NKAIN3: variants seen among roughly 807,000 people sequenced by gnomAD.
NKAIN3 encodes sodium/potassium-transporting ATPase subunit beta-1-interacting protein 3.
A neutral mutation model predicts 30.2 loss-of-function variants in NKAIN3; 25 were observed. That is an observed-to-expected ratio of 0.83 (90% confidence interval 0.60 to 1.16). NKAIN3 has a LOEUF of 1.16. Ranked by LOEUF, NKAIN3 falls within the 50% of genes most tolerant of loss-of-function variation. The pLI, the probability that NKAIN3 is intolerant of heterozygous loss-of-function variation, is 0.00. For missense variants in NKAIN3, 225 were observed against 254.1 expected (o/e 0.89, Z 0.78); for synonymous variants, 91 against 89.6 (o/e 1.02, Z -0.09).
At chr8:62,253,571 AAAAG>A (rs1160560601) in intron 1 of NKAIN3, among the ~76,000 whole-genome samples, 2 of 152,214 alleles carry the variant, frequency 1.3e-5, no homozygotes, top group Admixed American at 1.3e-4. Flanking sequence ...TCTCTATCTA[AAAAG>A]AAAGAAATAC....
Position 62,485,513 on chromosome 8 carries a change from C to T in NKAIN3, c.55-94026C>T, listed in dbSNP as rs528928414. On this transcript the variant is annotated intron_variant, in intron 1 of 6. Coordinates refer to ENST00000623646, the MANE Select transcript of NKAIN3 (RefSeq NM_001304533.3). ...CTGTACTTGAAGGTCAGTAATAGAGCTTAAATTATATGTATCTGGGGTCAG... is the reference window on the plus strand; with the variant it reads ...CTGTACTTGAAGGTCAGTAATAGAGTTTAAATTATATGTATCTGGGGTCAG... Among the ~76,000 whole-genome samples, 14 of 152,238 alleles carry T rather than the reference C, an allele frequency of 9.2e-5. No homozygotes were observed. In the South Asian group the frequency reaches 2.7e-3, roughly 29 times the overall value.
chr8:62,856,770 A>G (rs1820071117), intron 4 of NKAIN3: 6 of 660,180 alleles, frequency 9.1e-6, no homozygotes, highest in Non-Finnish European at 1.1e-5. Context: ...TGGCTTATCC[A>G]ACTCCTGTAA....
chr8:62,746,713 T>C lies in NKAIN3; in HGVS notation c.274-219T>C, dbSNP rs545244608. On this transcript the variant is annotated intron_variant, in intron 3 of 6. Transcript: ENST00000623646. ...ATATATGTTGCCCTTAAAATGTTAA[T>C]AGTAATCAAAGGATTATCTCCCCAT... Among the ~76,000 whole-genome samples the C allele has an allele frequency of 7.2e-5, 11 of 152,332 alleles. No homozygotes were observed. The South Asian group carries it at 2.1e-3, about 29-fold the overall frequency.
chr8:62,900,008 TA>T (rs1338308439), intron 4 of NKAIN3, among the ~76,000 whole-genome samples: 1 of 146,070 alleles, frequency 6.8e-6, no homozygotes, highest in Non-Finnish European at 1.5e-5. Context: ...AAACCACTTA[TA>T]CCCCTAAAGC....
chr8:62,819,283 T>G (rs1463025727), intron 4 of NKAIN3, among the ~76,000 whole-genome samples: 3 of 151,594 alleles, frequency 2.0e-5, no homozygotes, highest in Non-Finnish European at 2.9e-5. Context: ...GGACTTGCCA[T>G]AAAATGCTCT....
intron 1 of NKAIN3, among the ~76,000 whole-genome samples, chr8:62,500,461 GAA>G (rs1217330974): frequency 8.1e-6 from 1 of 123,516 alleles, no homozygotes; most frequent in Non-Finnish European, 1.7e-5. Flanking sequence ...AAGAAAGAAA[GAA>G]AGAAAGAAAG....
At chr8:62,309,761 G>A (rs1030630581) in intron 1 of NKAIN3, among the ~76,000 whole-genome samples, 1 of 150,350 alleles carries the variant, frequency 6.7e-6, no homozygotes, top group Non-Finnish European at 1.5e-5. Flanking sequence ...AACTTAGCAG[G>A]AAAGTAGGAA....
chr8:62,944,318 T>G (rs1435931109), intron 5 of NKAIN3, among the ~76,000 whole-genome samples: 1 of 152,164 alleles, frequency 6.6e-6, no homozygotes, highest in African/African-American at 2.4e-5. Context: ...TGAAAAAAAG[T>G]CTTGATATCT....
chr8:62,800,006 C>T (rs183780511), intron 4 of NKAIN3, among the ~76,000 whole-genome samples: 130 of 152,008 alleles, frequency 8.6e-4, no homozygotes, highest in African/African-American at 2.5e-3. Flanking sequence ...GATATGAGGA[C>T]GCAATGCATA....
At chr8:62,284,217 T>G (rs1192401195) in intron 1 of NKAIN3, among the ~76,000 whole-genome samples, 1 of 152,126 alleles carries the variant, frequency 6.6e-6, no homozygotes, top group Admixed American at 6.6e-5. Context: ...TGTGAAACTC[T>G]GGGGAGCTGT....
rs142031793 is a variant in NKAIN3 at position 62,580,439 on chromosome 8, A to G, written c.192+763A>G. On this transcript the variant is annotated intron_variant, in intron 2 of 6. Coordinates refer to ENST00000623646, the MANE Select transcript of NKAIN3 (RefSeq NM_001304533.3). ...ATATATACGTATTGTAAGTTGGAGT[A>G]ACATACTTTAAAATGTTCATTAAGC... Among the ~76,000 whole-genome samples, 338 of 152,306 alleles carry G rather than the reference A, an allele frequency of 2.2e-3. 1 individual carries two copies. Among genetic ancestry groups the G allele is most frequent in the Middle Eastern group, 0.01 (3 of 294 alleles).
chr8:62,466,625 T>A (rs753489017), intron 1 of NKAIN3, among the ~76,000 whole-genome samples: 2 of 152,224 alleles, frequency 1.3e-5, no homozygotes, highest in Non-Finnish European at 2.9e-5. Context: ...ATGTGTACTC[T>A]GGGTGAGCAC....
chr8:62,879,093 T>C (rs1820891198), intron 4 of NKAIN3, among the ~76,000 whole-genome samples: 1 of 152,230 alleles, frequency 6.6e-6, no homozygotes, highest in African/African-American at 2.4e-5. Context: ...CCACACTGAC[T>C]TCCACAACGG....
At chr8:62,593,562 A>G (rs1193709821) in intron 3 of NKAIN3, among the ~76,000 whole-genome samples, 21 of 152,060 alleles carry the variant, frequency 1.4e-4, no homozygotes, top group Non-Finnish European at 1.5e-5. Context: ...AAGAAGAAAC[A>G]ATACAAATTA....
At chr8:62,949,306 A>G (rs1823213380) in intron 5 of NKAIN3, among the ~76,000 whole-genome samples, 1 of 152,112 alleles carries the variant, frequency 6.6e-6, no homozygotes, top group Admixed American at 6.5e-5. Flanking sequence ...TCTAATGGAA[A>G]CTTCATTTGT....
At chr8:62,845,285 T>TTGTATATATATATATATATATA in intron 4 of NKAIN3, among the ~76,000 whole-genome samples, 1 of 68,930 alleles carries the variant, frequency 1.5e-5, no homozygotes, top group East Asian at 4.4e-4. Context: ...GGATAGTAGA[T>TTGTATATATATATATATATATA]TATATATATA....
chr8:62,451,053 A>C (rs1325201032), intron 1 of NKAIN3, among the ~76,000 whole-genome samples: 2 of 152,202 alleles, frequency 1.3e-5, no homozygotes. Context: ...TAAATATTGA[A>C]TAGATCTATA....
chr8:62,609,646 C>T (rs1345711489), intron 3 of NKAIN3, among the ~76,000 whole-genome samples: 1 of 151,752 alleles, frequency 6.6e-6, no homozygotes, highest in Non-Finnish European at 1.5e-5. Flanking sequence ...GTATTAAGTG[C>T]TATCAAGAGA....
chr8:62,426,565 G>A (rs1804814214), intron 1 of NKAIN3, among the ~76,000 whole-genome samples: 1 of 151,918 alleles, frequency 6.6e-6, no homozygotes, highest in Admixed American at 6.6e-5. Flanking sequence ...TCCTTGCAGT[G>A]CAGAATTTCT....
Sources: gnomAD v4.1 joint callset for allele counts (sites outside exome capture counted in the v4.1 genomes callset) on GRCh38, gnomAD v4.1.1 for gene constraint, MANE v1.5 for transcripts, NCBI Gene and HGNC (gene_info 2026-07-23, HGNC 2026-07-21) for gene names.